RAD51C: variants seen among roughly 807,000 people sequenced by gnomAD.
The protein encoded by RAD51C is RAD51 paralog C.
RAD51C carries 42 observed loss-of-function variants against 45.0 expected under a neutral mutation model. The ratio of observed to expected loss-of-function variants is 0.93; its 90% CI spans 0.73 to 1.21. The LOEUF is 1.21. Among genes scored for constraint, RAD51C ranks in the 50% most tolerant of loss-of-function variants. The pLI, the probability that RAD51C is intolerant of heterozygous loss-of-function variation, is 0.00. For synonymous variants in RAD51C, 172 were observed against 159.8 expected, an observed-to-expected ratio of 1.08 and a Z score of -0.58; for missense variants, 474 against 452.2, an observed-to-expected ratio of 1.05 and a Z score of -0.44.
chr17:58,692,794 GA>G lies in RAD51C; in HGVS notation c.145+7del. 1.9e-6 allele frequency: 3 copies of G among 1,614,120 alleles called. No individual in the cohort carries two copies. The highest frequency in any genetic ancestry group is 2.5e-6 in the Non-Finnish European group (3 of 1,180,024). On this transcript the variant is annotated splice_region_variant and intron_variant, in intron 1 of 8. Transcript: ENST00000337432. ...ACCCTCCGAGCTTAGCAAAGGTAAC[GA>G]CTCCTGATGGCAAGCTGAGGCACAC...
intron 4 of RAD51C, among the ~76,000 whole-genome samples, chr17:58,703,629 C>T (rs1217542828): frequency 6.6e-6 from 1 of 152,092 alleles, no homozygotes; most frequent in Non-Finnish European, 1.5e-5. Flanking sequence ...ATAAAAACTT[C>T]CTTGTGCTAC....
chr17:58,734,052 AT>A, intron 8 of RAD51C, 65 bp from the exon 9 acceptor site: 3 of 1,551,438 alleles, frequency 1.9e-6, no homozygotes, highest in Non-Finnish European at 2.6e-6. Flanking sequence ...TTACTTAAAA[AT>A]ATTTCTAAGA....
intron 6 of RAD51C, among the ~76,000 whole-genome samples, chr17:58,723,799 A>G (rs193267938): frequency 2.3e-3 from 351 of 152,260 alleles, no homozygotes; most frequent in Non-Finnish European, 4.0e-3. Context: ...TGACACATAT[A>G]TGGACTCAGA....
At chr17:58,724,748 G>A (rs184152998) in intron 7 of RAD51C, among the ~76,000 whole-genome samples, 87 of 152,238 alleles carry the variant, frequency 5.7e-4, no homozygotes, top group Admixed American at 3.3e-3. Flanking sequence ...AAGCTGTGAA[G>A]TCTTTTCTAC....
At chr17:58,710,716 G>A (rs2048530619) in intron 5 of RAD51C, among the ~76,000 whole-genome samples, 1 of 152,094 alleles carries the variant, frequency 6.6e-6, no homozygotes, top group African/African-American at 2.4e-5. Flanking sequence ...GATGCTTTGA[G>A]GTAGAGCTAA....
chr17:58,697,174 C>A (rs2143753255), intron 3 of RAD51C, among the ~76,000 whole-genome samples: 1 of 152,284 alleles, frequency 6.6e-6, no homozygotes, highest in Non-Finnish European at 1.5e-5. Context: ...ATATAAGCAA[C>A]TGTTGTTAAA....
At chr17:58,704,329 T>C (rs1390001468) in intron 4 of RAD51C, among the ~76,000 whole-genome samples, 10 of 151,962 alleles carry the variant, frequency 6.6e-5, no homozygotes, top group African/African-American at 1.4e-4. Flanking sequence ...CTGGAGTGCA[T>C]TGGCGTGATC....
At chr17:58,725,577 CTTCT>C (rs1021215824) in intron 7 of RAD51C, among the ~76,000 whole-genome samples, 13 of 152,098 alleles carry the variant, frequency 8.5e-5, no homozygotes, top group Admixed American at 3.3e-4. Context: ...AAAAGTTTGC[CTTCT>C]TTGTCAAGTT....
chr17:58,727,413 C>T (rs1418286488), intron 7 of RAD51C, among the ~76,000 whole-genome samples: 3 of 152,130 alleles, frequency 2.0e-5, no homozygotes, highest in South Asian at 2.1e-4. Context: ...CATGAGCCAC[C>T]GCACTCGGCC....
At chr17:58,710,156 G>T (rs1225315834) in intron 5 of RAD51C, among the ~76,000 whole-genome samples, 166 bp downstream of exon 5, 2 of 151,884 alleles carry the variant, frequency 1.3e-5, no homozygotes, top group Non-Finnish European at 2.9e-5. Flanking sequence ...GGTCATAAGT[G>T]TCAGTTTTCC....
rs367628981 is a variant in RAD51C, at chr17:58,710,430, G to A, written c.837+440G>A. 4.0e-4 allele frequency among the ~76,000 whole-genome samples: 60 copies of A among 151,132 alleles called. 1 individual carries two copies. In the East Asian group the frequency reaches 0.01, roughly 25 times the overall value. ...GGAGAATCACTTGAACCCAGGAGGC[G>A]GAGGTTACAGTGGGTGGAGAACGCG... On this transcript the variant is annotated intron_variant, in intron 5 of 8. Transcript: ENST00000337432.
chr17:58,731,892 T>C (rs2049439826), intron 7 of RAD51C, among the ~76,000 whole-genome samples: 1 of 152,164 alleles, frequency 6.6e-6, no homozygotes, highest in African/African-American at 2.4e-5. Flanking sequence ...AGGTGCATCA[T>C]TTTAAAACAA....
intron 5 of RAD51C, among the ~76,000 whole-genome samples, chr17:58,719,028 G>C (rs2048829018): frequency 6.6e-6 from 1 of 152,090 alleles, no homozygotes; most frequent in South Asian, 2.1e-4. Context: ...TTCGAGACCA[G>C]GCCGGCCAAC....
intron 5 of RAD51C, among the ~76,000 whole-genome samples, chr17:58,713,589 C>T (rs2048632180): frequency 6.6e-6 from 1 of 152,088 alleles, no homozygotes; most frequent in African/African-American, 2.4e-5. Flanking sequence ...AAGCAGATCA[C>T]TTGAGGTCAG....
chr17:58,695,087 T>A lies in RAD51C; in HGVS notation c.302T>A (p.Ile101Asn). The A allele has an allele frequency of 6.2e-7, 1 of 1,614,090 alleles. No homozygotes were observed. Among genetic ancestry groups the A allele is most frequent in the Non-Finnish European group, 8.5e-7 (1 of 1,180,014 alleles). ...LEQEHTQGFI[I>N]TFCSALDDIL... is the part of the protein sequence containing the mutation. The stretch of plus-strand genomic sequence containing the variant: ...CAGGAGCATACCCAGGGCTTCATAA[T>A]CACCTTCTGTTCAGCACTAGATGAT... Residue 101 changes from isoleucine (I) to asparagine (N), a missense_variant, in exon 2 of 9, where the codon ATC (isoleucine) becomes AAC (asparagine). Transcript: ENST00000337432.
chr17:58,718,294 G>T (rs981517460), intron 5 of RAD51C, among the ~76,000 whole-genome samples: 15 of 152,180 alleles, frequency 9.9e-5, no homozygotes, highest in African/African-American at 3.6e-4. Context: ...CACCGCGCCT[G>T]GGCTGTTTCT....
intron 4 of RAD51C, among the ~76,000 whole-genome samples, chr17:58,708,246 T>C (rs1390155300): frequency 1.3e-5 from 2 of 152,202 alleles, no homozygotes; most frequent in African/African-American, 4.8e-5. Flanking sequence ...TTTTTATTAG[T>C]GTTCACCTGT....
intron 2 of RAD51C, among the ~76,000 whole-genome samples, chr17:58,696,468 C>G (rs902104286): frequency 2.0e-5 from 3 of 152,160 alleles, no homozygotes; most frequent in African/African-American, 7.2e-5. Flanking sequence ...TATCCTTAAT[C>G]TTGGTTTTAT....
At chr17:58,723,361 G>GA (rs1426879455) in intron 6 of RAD51C, among the ~76,000 whole-genome samples, 6 of 151,204 alleles carry the variant, frequency 4.0e-5, no homozygotes, top group South Asian at 2.1e-4. Context: ...ATATACAAAT[G>GA]AAAATGTATA....
Sources: allele counts gnomAD v4.1 joint callset (sites outside exome capture counted in the v4.1 genomes callset), GRCh38; gene constraint gnomAD v4.1.1; transcripts MANE v1.5; gene names NCBI Gene and HGNC (gene_info 2026-07-23, HGNC 2026-07-21).